ADCY8: variants seen among roughly 807,000 people sequenced by gnomAD.
The protein encoded by ADCY8 is adenylate cyclase type 8.
A neutral mutation model predicts 119.7 loss-of-function variants in ADCY8; 51 were observed. That is an observed-to-expected ratio of 0.43 (90% CI 0.34 to 0.54). ADCY8 has a LOEUF of 0.54. Ranked by LOEUF, ADCY8 falls within the 20% of genes least tolerant of loss-of-function variation. The probability of loss-of-function intolerance (pLI) is 0.03; values close to 1 mark genes in which losing one functional copy is unlikely to be tolerated. For missense variants in ADCY8, 1,383 were observed against 1,598.8 expected (o/e 0.87, Z 2.30); for synonymous variants, 665 against 651.0 (o/e 1.02, Z -0.33).
At chr8:130,851,026 A>G (rs1817509082) in intron 9 of ADCY8, among the ~76,000 whole-genome samples, 1 of 152,186 alleles carries the variant, frequency 6.6e-6, no homozygotes, top group Admixed American at 6.5e-5. Context: ...TCAGTGTTAG[A>G]GCCAGAATTT....
intron 1 of ADCY8, among the ~76,000 whole-genome samples, chr8:131,036,785 A>T (rs1463721145): frequency 6.6e-6 from 1 of 152,166 alleles, no homozygotes; most frequent in East Asian, 1.9e-4. Context: ...AGAGCTTGGA[A>T]TATGGCAAAA....
intron 5 of ADCY8, among the ~76,000 whole-genome samples, chr8:130,916,052 T>A (rs1820118235): frequency 6.6e-6 from 1 of 152,176 alleles, no homozygotes; most frequent in African/African-American, 2.4e-5. Flanking sequence ...AACCTGGGTA[T>A]CACTACCAGA....
rs756421895 is a variant in ADCY8 at position 130,783,647 on chromosome 8, A to T, written c.3268+44T>A. The T allele has an allele frequency of 2.1e-6, 3 of 1,450,856 alleles. No homozygotes were observed. The African/African-American group carries it at 4.2e-5, about 20-fold the overall frequency. The allele number at this position is 1,450,856 out of a possible 1,614,324, so 89.9% of individuals were successfully genotyped here. A position where few individuals can be genotyped will look rare whatever the true frequency, so the allele number is the denominator to read the frequency against. ...AGGCAGGGGAGGGTCTGTTGGAGCAAGGTCAGCTGGCTCTATCAGGCCCCA... is the reference window on the plus strand; with the variant it reads ...AGGCAGGGGAGGGTCTGTTGGAGCATGGTCAGCTGGCTCTATCAGGCCCCA... On this transcript the variant is annotated intron_variant, in intron 17 of 17. Transcript: ENST00000286355.
intron 9 of ADCY8, among the ~76,000 whole-genome samples, chr8:130,864,219 T>C (rs1818037514): frequency 1.3e-5 from 2 of 152,324 alleles, no homozygotes; most frequent in East Asian, 3.9e-4. Context: ...TCTGGTAAGA[T>C]GATGTCCTTC....
intron 2 of ADCY8, among the ~76,000 whole-genome samples, chr8:130,967,878 A>G (rs1821807807): frequency 6.6e-6 from 1 of 152,218 alleles, no homozygotes; most frequent in Non-Finnish European, 1.5e-5. Flanking sequence ...GGCCAAGGCC[A>G]CACTTCACAG....
At chr8:130,998,957 C>T (rs550034347) in intron 1 of ADCY8, among the ~76,000 whole-genome samples, 1 of 152,110 alleles carries the variant, frequency 6.6e-6, no homozygotes. Context: ...AGGAAGCTCC[C>T]AAGTCGATCT....
intron 12 of ADCY8, among the ~76,000 whole-genome samples, chr8:130,822,495 C>T (rs1329875938): frequency 7.3e-6 from 1 of 137,462 alleles, no homozygotes; most frequent in Admixed American, 7.5e-5. Flanking sequence ...GCTGAGGAGT[C>T]ATCCATCCAT....
At position 130,780,474 on chromosome 8, in the gene ADCY8, A is replaced by G. The variant is rs1271527998; in HGVS notation, c.3672T>C (p.His1224=). ...ENNNTGIIKG[H]YNRRTLLSPS... Reference sequence around the variant, plus strand: ...GTGACAACAAAGTCCGCCGGTTGTAATGACCCTTGATGATTCCTGTGTTGT... The same window carrying G: ...GTGACAACAAAGTCCGCCGGTTGTAGTGACCCTTGATGATTCCTGTGTTGT... The change falls in exon 18 of 18, where the codon CAT becomes CAC. Residue 1224 remains histidine, a synonymous_variant. Transcript: ENST00000286355. 2 of 1,613,640 alleles carry G rather than the reference A, an allele frequency of 1.2e-6. No individual in the cohort carries two copies. The highest frequency in any genetic ancestry group is 2.2e-5 in the East Asian group (1 of 44,866).
intron 9 of ADCY8, 123 bp from the exon 10 acceptor site, chr8:130,849,926 C>T: frequency 1.0e-6 from 1 of 981,780 alleles, no homozygotes; most frequent in Non-Finnish European, 1.5e-6. Context: ...TCTGTTTGTC[C>T]AAGAAAAAGG....
chr8:130,782,247 A>G (rs547092298), intron 17 of ADCY8, among the ~76,000 whole-genome samples: 3 of 152,206 alleles, frequency 2.0e-5, no homozygotes, highest in Non-Finnish European at 4.4e-5. Context: ...CACTCTATGG[A>G]GTACATGGGA....
intron 8 of ADCY8, among the ~76,000 whole-genome samples, chr8:130,881,202 A>T (rs974206805): frequency 6.6e-6 from 1 of 152,204 alleles, no homozygotes; most frequent in African/African-American, 2.4e-5. Context: ...AGGCAGTCTT[A>T]TCTAACCTTC....
rs184478519 is a variant in ADCY8 at position 130,818,861 on chromosome 8, C to T, written c.2754+2481G>A. 1.2e-3 allele frequency among the ~76,000 whole-genome samples: 187 copies of T among 152,318 alleles called. No homozygotes were observed. In the Middle Eastern group the frequency reaches 0.02, roughly 17 times the overall value. Reference sequence around the variant, plus strand: ...CTAGGAGCTTGAGCATTTGGATTCCCGCTCCAGTCTGGCGTTTCTTACAGG... The same window carrying T: ...CTAGGAGCTTGAGCATTTGGATTCCTGCTCCAGTCTGGCGTTTCTTACAGG... On this transcript the variant is annotated intron_variant, in intron 13 of 17. Transcript: ENST00000286355.
Position 131,016,010 on chromosome 8 carries a change from A to C in ADCY8, c.960+23364T>G, listed in dbSNP as rs1013337480. Among the ~76,000 whole-genome samples, 6 of 152,224 alleles carry C rather than the reference A, an allele frequency of 3.9e-5. 1 individual carries two copies. The highest frequency in any genetic ancestry group is 7.3e-5 in the Non-Finnish European group (5 of 68,042). On this transcript the variant is annotated intron_variant, in intron 1 of 17. Coordinates refer to ENST00000286355, the MANE Select transcript of ADCY8 (RefSeq NM_001115.3). ...TTTGATTAATACTTCCTGAGTACCT[A>C]CTACATGTCAGGCATTTCTGTAGAC...
intron 4 of ADCY8, among the ~76,000 whole-genome samples, chr8:130,938,808 A>G (rs544419909): frequency 6.6e-6 from 1 of 152,240 alleles, no homozygotes; most frequent in Non-Finnish European, 1.5e-5. Flanking sequence ...GAACTCTGAC[A>G]GCATGTACAG....
At chr8:131,007,088 TA>T (rs543121514) in intron 1 of ADCY8, among the ~76,000 whole-genome samples, 1 of 152,050 alleles carries the variant, frequency 6.6e-6, no homozygotes, top group Admixed American at 6.5e-5. Flanking sequence ...TTACAAACAG[TA>T]AAAAAGAAAA....
intron 13 of ADCY8, among the ~76,000 whole-genome samples, chr8:130,819,309 T>A (rs986945896): frequency 1.3e-5 from 2 of 152,342 alleles, no homozygotes; most frequent in Non-Finnish European, 2.9e-5. Context: ...AAATATCAGA[T>A]GTCACTTAAA....
intron 14 of ADCY8, among the ~76,000 whole-genome samples, chr8:130,810,078 C>T (rs1374711581): frequency 6.6e-6 from 1 of 152,218 alleles, no homozygotes; most frequent in African/African-American, 2.4e-5. Flanking sequence ...ACTGCCACCT[C>T]AGGGATACAC....
chr8:130,977,574 A>G (rs1164694914), intron 2 of ADCY8, among the ~76,000 whole-genome samples: 1 of 152,248 alleles, frequency 6.6e-6, no homozygotes, highest in East Asian at 1.9e-4. Context: ...GAAGCAATAA[A>G]TATGGACTAC....
At chr8:130,796,805 G>A (rs1390457913) in intron 15 of ADCY8, among the ~76,000 whole-genome samples, 1 of 128,786 alleles carries the variant, frequency 7.8e-6, no homozygotes, top group African/African-American at 3.0e-5. Context: ...TCTCTTCATC[G>A]CTGCCTCTCT....
Sources: allele counts gnomAD v4.1 joint callset (sites outside exome capture counted in the v4.1 genomes callset), GRCh38; gene constraint gnomAD v4.1.1; transcripts MANE v1.5; gene names NCBI Gene and HGNC (gene_info 2026-07-23, HGNC 2026-07-21).